The following XKR7 variants were observed in gnomAD, a reference collection of about 807,000 sequenced individuals.
The protein encoded by XKR7 is XK related 7.
Under a neutral mutation model 42.2 loss-of-function variants are expected in XKR7, and 11 were observed. The observed-to-expected ratio is 0.26, with a 90% CI of 0.16 to 0.43. The LOEUF is 0.43. XKR7 is among the 20% of genes least tolerant of loss of function. The pLI, the probability that XKR7 is intolerant of heterozygous loss-of-function variation, is 1.00. For synonymous variants in XKR7, 346 were observed against 366.4 expected (o/e 0.94, Z 0.64); for missense variants, 710 against 802.2 (o/e 0.89, Z 1.39).
chr20:31,990,138 G>A (rs2064563333), intron 1 of XKR7, among the ~76,000 whole-genome samples: 1 of 151,714 alleles, frequency 6.6e-6, no homozygotes, highest in South Asian at 2.1e-4. Flanking sequence ...CTCCCTCTAT[G>A]GACACCCTTT....
At chr20:31,976,454 G>A (rs1036211309) in intron 1 of XKR7, among the ~76,000 whole-genome samples, 6 of 151,518 alleles carry the variant, frequency 4.0e-5, no homozygotes, top group Admixed American at 3.9e-4. Context: ...GCTCGATCTC[G>A]GCTCACTGCA....
intron 1 of XKR7, among the ~76,000 whole-genome samples, chr20:31,992,895 G>A (rs1568890527): frequency 6.6e-6 from 1 of 152,076 alleles, no homozygotes; most frequent in Admixed American, 6.6e-5. Context: ...GAGGAAATTT[G>A]GTATCAGCTG....
intron 1 of XKR7, among the ~76,000 whole-genome samples, chr20:31,988,192 G>C (rs1224278714): frequency 6.6e-6 from 1 of 152,212 alleles, no homozygotes; most frequent in Non-Finnish European, 1.5e-5. Context: ...ACAGGAGAGA[G>C]ATGGGGTGAT....
intron 1 of XKR7, among the ~76,000 whole-genome samples, chr20:31,981,628 G>T (rs2064513456): frequency 6.6e-6 from 1 of 152,150 alleles, no homozygotes; most frequent in Non-Finnish European, 1.5e-5. Context: ...GGAGGTAGAG[G>T]TTGCAGTGAG....
At chr20:31,990,859 T>C (rs2064567420) in intron 1 of XKR7, among the ~76,000 whole-genome samples, 1 of 152,154 alleles carries the variant, frequency 6.6e-6, no homozygotes, top group East Asian at 1.9e-4. Flanking sequence ...TCGTGCTGGC[T>C]GGAAGGAACA....
Position 31,998,667 on chromosome 20 carries a change from TC to T in XKR7, c.*1211del, listed in dbSNP as rs368826639. 8.0e-4 allele frequency: 122 copies of T among 152,232 alleles called. No homozygotes were observed. The highest frequency in any genetic ancestry group is 2.9e-3 in the African/African-American group (119 of 41,528). 9.4% of individuals were successfully genotyped at this position (152,232 alleles called of 1,614,324 possible). ...TGTTACCTTGGTCCATAGCCATCTTTCTAAAAGGAAATTGTCCTCAGAACCC... is the reference window on the plus strand; with the variant it reads ...TGTTACCTTGGTCCATAGCCATCTTTTAAAAGGAAATTGTCCTCAGAACCC... On this transcript the variant is annotated 3_prime_UTR_variant, in exon 3 of 3. Transcript: ENST00000562532.
At chr20:31,979,486 A>G (rs1445640208) in intron 1 of XKR7, among the ~76,000 whole-genome samples, 2 of 152,080 alleles carry the variant, frequency 1.3e-5, no homozygotes, top group African/African-American at 4.8e-5. Context: ...ATATCCACCT[A>G]TTCTTGAAAA....
chr20:31,977,415 C>A lies in XKR7; in HGVS notation c.584+8656C>A, dbSNP rs371332492. The stretch of plus-strand genomic sequence containing the variant: ...TGGGGCACCAGCGCAGATCAAGGAG[C>A]CATGACATCCTAGTTGCGTGACCCT... On this transcript the variant is annotated intron_variant, in intron 1 of 2. Coordinates refer to ENST00000562532, the MANE Select transcript of XKR7 (RefSeq NM_001011718.2). 2.8e-4 allele frequency among the ~76,000 whole-genome samples: 43 copies of A among 152,246 alleles called. No homozygotes were observed. The Middle Eastern group carries it at 0.01, about 36-fold the overall frequency.
intron 1 of XKR7, among the ~76,000 whole-genome samples, chr20:31,969,280 A>T (rs1054705549): frequency 6.6e-6 from 1 of 152,146 alleles, no homozygotes; most frequent in Non-Finnish European, 1.5e-5. Flanking sequence ...AACTTCTTGG[A>T]CTTTTTGGAG....
chr20:31,995,949 T>C lies in XKR7; in HGVS notation c.788-556T>C, dbSNP rs1302266091. On this transcript the variant is annotated intron_variant, in intron 2 of 2. Coordinates refer to ENST00000562532, the MANE Select transcript of XKR7 (RefSeq NM_001011718.2). The surrounding 1 kb of genome is among the most constrained non-coding windows in gnomAD (Gnocchi z 4.1). ...TGTCCCAAAAGACTATCACCACCCC[T>C]CATGGCCCTGGGGACCCCTTGCCCA... Among the ~76,000 whole-genome samples the C allele has an allele frequency of 6.6e-6, 1 of 151,620 alleles. No homozygotes were observed. The highest frequency in any genetic ancestry group is 2.4e-5 in the African/African-American group (1 of 41,212).
At chr20:31,989,274 C>CA (rs1343877805) in intron 1 of XKR7, among the ~76,000 whole-genome samples, 1 of 101,958 alleles carries the variant, frequency 9.8e-6, no homozygotes, top group Non-Finnish European at 2.0e-5. Context: ...AGTTTTAGGA[C>CA]ACCCCCCCCC....
chr20:31,972,801 C>G (rs1295147992), intron 1 of XKR7, among the ~76,000 whole-genome samples: 3 of 152,184 alleles, frequency 2.0e-5, no homozygotes, highest in African/African-American at 7.2e-5. Context: ...TAGGCCCAGA[C>G]ACTGCACTCT....
Position 31,997,324 on chromosome 20 carries a change from A to T in XKR7, c.1607A>T (p.Asp536Val). The T allele has an allele frequency of 6.2e-7, 1 of 1,610,118 alleles. No individual in the cohort carries two copies. Among genetic ancestry groups the T allele is most frequent in the Middle Eastern group, 1.6e-4 (1 of 6,062 alleles). ...DLPRKKYPAW[D>V]AHFIDRRLRK... is the part of the protein sequence containing the mutation. ...CCTCGCAAGAAGTACCCGGCCTGGGATGCTCATTTTATTGACCGCCGGCTC... is the reference window on the plus strand; with the variant it reads ...CCTCGCAAGAAGTACCCGGCCTGGGTTGCTCATTTTATTGACCGCCGGCTC... Residue 536 changes from aspartate (D) to valine (V), a missense_variant, in exon 3 of 3, where the codon GAT (aspartate) becomes GTT (valine). Physicochemically the swap from Asp to Val is radical, Grantham distance 152 (BLOSUM62 -3). Coordinates refer to ENST00000562532, the MANE Select transcript of XKR7 (RefSeq NM_001011718.2).
chr20:31,973,537 G>C (rs1181906321), intron 1 of XKR7, among the ~76,000 whole-genome samples: 1 of 152,188 alleles, frequency 6.6e-6, no homozygotes, highest in Non-Finnish European at 1.5e-5. Context: ...TGGAGTGCCA[G>C]GGAGAGGTGT....
chr20:31,980,581 C>G (rs2064507492), intron 1 of XKR7, among the ~76,000 whole-genome samples: 1 of 152,192 alleles, frequency 6.6e-6, no homozygotes, highest in South Asian at 2.1e-4. Context: ...TCTAATGGCT[C>G]TAGACTCTAT....
chr20:31,985,693 A>G (rs568800906), intron 1 of XKR7, among the ~76,000 whole-genome samples: 1 of 146,514 alleles, frequency 6.8e-6, no homozygotes, highest in East Asian at 2.1e-4. Context: ...CCCAGCATCC[A>G]AGACACAGAC....
Position 31,968,804 on chromosome 20 carries a change from G to T in XKR7, c.584+45G>T, listed in dbSNP as rs1335725830. ...AGGGACCTGAGCCCGAGGAGTGGGG[G>T]TGGCGAAGGGCTACCTGACGTCCCA... On this transcript the variant is annotated intron_variant, in intron 1 of 2. Transcript: ENST00000562532. The surrounding 1 kb of genome is among the most constrained non-coding windows in gnomAD (Gnocchi z 4.5). 2 of 1,450,916 alleles carry T rather than the reference G, an allele frequency of 1.4e-6. No homozygotes were observed. Among genetic ancestry groups the T allele is most frequent in the Non-Finnish European group, 1.8e-6 (2 of 1,107,252 alleles). 89.9% of individuals were successfully genotyped at this position (1,450,916 alleles called of 1,614,324 possible).
At position 31,997,392 on chromosome 20, in the gene XKR7, C is replaced by A. The variant is rs769822241; in HGVS notation, c.1675C>A (p.Pro559Thr). The change falls in exon 3 of 3, where the codon CCC becomes ACC. Residue 559 changes from proline to threonine, a missense_variant. Coordinates refer to ENST00000562532, the MANE Select transcript of XKR7 (RefSeq NM_001011718.2). ...LALEYSSPAT[P>T]RLQYRSVGTS... ...ACTGGAGTACTCCTCACCTGCCACG[C>A]CCCGGTTGCAGTACCGGAGTGTGGG... The A allele has an allele frequency of 4.5e-5, 72 of 1,600,026 alleles. No homozygotes were observed. Among genetic ancestry groups the A allele is most frequent in the Non-Finnish European group, 6.0e-5 (71 of 1,179,902 alleles).
chr20:31,980,508 C>T (rs2064507164), intron 1 of XKR7, among the ~76,000 whole-genome samples: 3 of 152,280 alleles, frequency 2.0e-5, no homozygotes, highest in South Asian at 4.2e-4. Context: ...GGGAGTTGGC[C>T]AGCCCTGGTT....
Sources: allele counts gnomAD v4.1 joint callset (sites outside exome capture counted in the v4.1 genomes callset), GRCh38; gene constraint gnomAD v4.1.1; non-coding constraint Gnocchi (gnomAD v3.1); transcripts MANE v1.5; gene names NCBI Gene and HGNC (gene_info 2026-07-23, HGNC 2026-07-21).